MRPL19: variants seen among roughly 807,000 people sequenced by gnomAD.
The protein encoded by MRPL19 is large ribosomal subunit protein bL19m.
Under a neutral mutation model 34.0 loss-of-function variants are expected in MRPL19, and 31 were observed. The ratio of observed to expected loss-of-function variants is 0.91; its 90% CI spans 0.68 to 1.23. The LOEUF is 1.23. MRPL19 is among the 50% of genes most tolerant of loss of function. The probability of loss-of-function intolerance (pLI) is 0.00; values close to 1 mark genes in which losing one functional copy is unlikely to be tolerated. For missense variants in MRPL19, 384 were observed against 367.6 expected, an observed-to-expected ratio of 1.04 and a Z score of -0.37; for synonymous variants, 152 against 127.7, an observed-to-expected ratio of 1.19 and a Z score of -1.28.
Position 75,660,054 on chromosome 2 carries a change from C to G in MRPL19, c.*4769C>G, listed in dbSNP as rs1678570054. Among the ~76,000 whole-genome samples the G allele has an allele frequency of 6.6e-6, 1 of 151,788 alleles. No homozygotes were observed. Among genetic ancestry groups the G allele is most frequent in the South Asian group, 2.1e-4 (1 of 4,782 alleles). ...TTCTTAGGCTGTGTTCTCTTTTGTT[C>G]CTCAGACTTGATTATTGCAGTTGCC... is the stretch of plus-strand genomic sequence containing the variant. On this transcript the variant is annotated 3_prime_UTR_variant, in exon 6 of 6. Coordinates refer to ENST00000393909, the MANE Select transcript of MRPL19 (RefSeq NM_014763.4).
chr2:75,652,726 C>T, intron 4 of MRPL19, 69 bp downstream of exon 4: 1 of 1,506,116 alleles, frequency 6.6e-7, no homozygotes, highest in Non-Finnish European at 9.0e-7. Context: ...GTTTCTGCAT[C>T]CTGGGATAAG....
In MRPL19 at chr2:75,647,165, C is replaced by A. The variant is rs780776529; in HGVS notation, c.167C>A (p.Pro56Gln). The change falls in exon 2 of 6, where the codon CCG becomes CAG. Residue 56 changes from proline (P) to glutamine (Q), a missense_variant. Transcript: ENST00000393909. The stretch of plus-strand genomic sequence containing the variant: ...CCTTCCGAGCCCGGTGCGTTCCAAC[C>A]GCCGCCGAAACCGGTCATCGTGGAC... Reference protein sequence around the residue: ...TGPSEPGAFQPPPKPVIVDKH... With the variant: ...TGPSEPGAFQQPPKPVIVDKH... 6.3e-7 allele frequency: 1 copy of A among 1,578,592 alleles called. No individual in the cohort carries two copies. Among genetic ancestry groups the A allele is most frequent in the Non-Finnish European group, 8.6e-7 (1 of 1,161,630 alleles).
chr2:75,649,423 T>C (rs773792424), intron 2 of MRPL19, among the ~76,000 whole-genome samples: 7 of 152,154 alleles, frequency 4.6e-5, no homozygotes, highest in African/African-American at 7.2e-5. Context: ...TGCCTTTTTT[T>C]TTTAAGCTTA....
At position 75,660,196 on chromosome 2, in the gene MRPL19, G is replaced by C. The variant is rs577513375; in HGVS notation, c.*4911G>C. On this transcript the variant is annotated 3_prime_UTR_variant, in exon 6 of 6. Coordinates refer to ENST00000393909, the MANE Select transcript of MRPL19 (RefSeq NM_014763.4). ...TTTTCAGCTCCAAGATTTATCTTTG[G>C]TTCCTTTTTATAACGTCTGTGTCTT... Among the ~76,000 whole-genome samples the C allele has an allele frequency of 5.3e-5, 8 of 151,656 alleles. No individual in the cohort carries two copies. Among genetic ancestry groups the C allele is most frequent in the Non-Finnish European group, 7.4e-5 (5 of 67,896 alleles).
intron 3 of MRPL19, 73 bp from the exon 4 acceptor site, chr2:75,652,450 T>C: frequency 6.5e-7 from 1 of 1,533,092 alleles, no homozygotes. Context: ...TGTTTGTTTC[T>C]GCATCTTATA....
chr2:75,646,799 C>A lies in MRPL19; in HGVS notation c.-9C>A, dbSNP rs760109411. 1.3e-6 allele frequency: 2 copies of A among 1,503,026 alleles called. No homozygotes were observed. The highest frequency in any genetic ancestry group is 1.8e-6 in the Non-Finnish European group (2 of 1,124,350). The allele number at this position is 1,503,026 out of a possible 1,614,324, so 93.1% of individuals were successfully genotyped here. ...CTGGGAGCTGTAGTCTTGACGTGAG[C>A]TAGCTGGCATGGCGGCCTGCATTGC... On this transcript the variant is annotated 5_prime_UTR_variant, in exon 1 of 6. Transcript: ENST00000393909.
intron 4 of MRPL19, 45 bp downstream of exon 4, chr2:75,652,702 C>G (rs557294521): frequency 6.3e-7 from 1 of 1,575,236 alleles, no homozygotes; most frequent in Admixed American, 1.8e-5. Flanking sequence ...AATGTTATCT[C>G]AGGATTCCTT....
At position 75,658,595 on chromosome 2, in the gene MRPL19, A is replaced by G. The variant is rs926478758; in HGVS notation, c.*3310A>G. ...CTTCGATCCCCTGGTTGAGTGTGTT[A>G]ATTTCTACATGTTTATGAATTTCCC... On this transcript the variant is annotated 3_prime_UTR_variant, in exon 6 of 6. Transcript: ENST00000393909. 6.6e-6 allele frequency among the ~76,000 whole-genome samples: 1 copy of G among 152,016 alleles called. No individual in the cohort carries two copies. Among genetic ancestry groups the G allele is most frequent in the African/African-American group, 2.4e-5 (1 of 41,390 alleles).
rs199736759 is a variant in MRPL19, at chr2:75,655,270, G to A, written c.864G>A (p.Ala288=). Residue 288 remains alanine (A), a synonymous_variant, in exon 6 of 6, where the codon GCG becomes GCA. Coordinates refer to ENST00000393909, the MANE Select transcript of MRPL19 (RefSeq NM_014763.4). ...CTGCAATATGGAAGGAAATTGAAGC[G>A]TCGAAAAGGTCTTGATTCTGAGAAT... ...IEAAIWKEIE[A]SKRS 1,024 of 1,612,026 alleles carry A rather than the reference G, an allele frequency of 6.4e-4. 1 individual carries two copies. Among genetic ancestry groups the A allele is most frequent in the Non-Finnish European group, 7.7e-4 (908 of 1,178,820 alleles).
Position 75,655,461 on chromosome 2 carries a change from A to G in MRPL19, c.*176A>G. The G allele has an allele frequency of 1.9e-6, 1 of 536,230 alleles. No homozygotes were observed. Among genetic ancestry groups the G allele is most frequent in the Non-Finnish European group, 3.2e-6 (1 of 310,892 alleles). The allele number at this position is 536,230 out of a possible 1,614,324, so 33.2% of individuals were successfully genotyped here. A position where few individuals can be genotyped will look rare whatever the true frequency, so the allele number is the denominator to read the frequency against. On this transcript the variant is annotated 3_prime_UTR_variant, in exon 6 of 6. Transcript: ENST00000393909. ...TGTACACCAGTTTATTACTCTAAAA[A>G]GAGAATTACACATGCCAAATGGACC...
chr2:75,654,964 A>C, intron 5 of MRPL19, 47 bp downstream of exon 5: 5 of 1,553,746 alleles, frequency 3.2e-6, no homozygotes, highest in African/African-American at 2.8e-5. Flanking sequence ...TAAAATAAGA[A>C]AGAAAGAATC....
chr2:75,651,201 C>A, intron 2 of MRPL19: 1 of 385,724 alleles, frequency 2.6e-6, no homozygotes, highest in South Asian at 2.0e-5. Flanking sequence ...CTCTTCAGTT[C>A]GATCTGTTAA....
At chr2:75,651,890 C>A in intron 2 of MRPL19, 1 of 267,688 alleles carries the variant, frequency 3.7e-6, no homozygotes. Flanking sequence ...ACACCAAACC[C>A]ACATGGTTGC....
At chr2:75,648,614 C>A (rs185507067) in intron 2 of MRPL19, among the ~76,000 whole-genome samples, 108 of 151,978 alleles carry the variant, frequency 7.1e-4, no homozygotes, top group African/African-American at 2.4e-3. Flanking sequence ...TATCCCAGCA[C>A]TTTGGGAGGC....
intron 2 of MRPL19, among the ~76,000 whole-genome samples, chr2:75,649,970 T>C (rs1376621813): frequency 6.6e-6 from 1 of 152,170 alleles, no homozygotes; most frequent in Non-Finnish European, 1.5e-5. Flanking sequence ...GATATGTGTA[T>C]ATAAAGCAAA....
Position 75,654,728 on chromosome 2 carries a change from C to A in MRPL19, c.476-8C>A. Reference sequence around the variant, plus strand: ...AGATTGTAAGAATATGTTTTCTGTTCTATTTAGGTGTCGAGATTTGCTTTG... The same window carrying A: ...AGATTGTAAGAATATGTTTTCTGTTATATTTAGGTGTCGAGATTTGCTTTG... On this transcript the variant is annotated splice_region_variant and splice_polypyrimidine_tract_variant and intron_variant, in intron 4 of 5. Coordinates refer to ENST00000393909, the MANE Select transcript of MRPL19 (RefSeq NM_014763.4). 1 of 1,612,300 alleles carries A rather than the reference C, an allele frequency of 6.2e-7. No individual in the cohort carries two copies. Among genetic ancestry groups the A allele is most frequent in the Non-Finnish European group, 8.5e-7 (1 of 1,179,036 alleles).
intron 2 of MRPL19, among the ~76,000 whole-genome samples, chr2:75,647,984 C>T (rs1189437485): frequency 6.6e-6 from 1 of 151,856 alleles, no homozygotes; most frequent in Non-Finnish European, 1.5e-5. Context: ...TTTCTGGGCT[C>T]AAGTGATCCT....
intron 2 of MRPL19, among the ~76,000 whole-genome samples, chr2:75,650,738 G>C (rs1050297067): frequency 6.6e-6 from 1 of 152,138 alleles, no homozygotes; most frequent in Non-Finnish European, 1.5e-5. Context: ...GAAGAGAAGA[G>C]ACGAGGAGGG....
chr2:75,655,030 C>CTTTT (rs35367062), intron 5 of MRPL19, 34 bp from the exon 6 acceptor site: 46 of 1,156,736 alleles, frequency 4.0e-5, no homozygotes, highest in South Asian at 1.5e-4. Context: ...CTAATTATTG[C>CTTTT]TTTTTTTTTT....
Sources: gnomAD v4.1 joint callset for allele counts (sites outside exome capture counted in the v4.1 genomes callset) on GRCh38, gnomAD v4.1.1 for gene constraint, MANE v1.5 for transcripts, NCBI Gene and HGNC (gene_info 2026-07-23, HGNC 2026-07-21) for gene names.